Variants in CROCC2 observed in about 807,000 individuals in gnomAD.
CROCC2 encodes ciliary rootlet coiled-coil, rootletin family member 2, also known as ciliary rootlet coiled-coil protein 2.
In CROCC2, 163 loss-of-function variants were observed where a neutral mutation model predicts 177.6. The ratio of observed to expected loss-of-function variants is 0.92; its 90% confidence interval spans 0.81 to 1.05. The LOEUF (loss-of-function observed/expected upper bound fraction) is 1.05, where lower values mean the gene tolerates loss of function less well. Ranked by LOEUF, CROCC2 falls within the 50% of genes least tolerant of loss-of-function variation. CROCC2 has a pLI of 0.00. For synonymous variants in CROCC2, 904 were observed against 787.3 expected, an observed-to-expected ratio of 1.15 and a Z score of -2.48; for missense variants, 1,929 against 1,797.8, an observed-to-expected ratio of 1.07 and a Z score of -1.32.
chr2:240,950,797 A>C, intron 18 of CROCC2: 3 of 406,088 alleles, frequency 7.4e-6, no homozygotes, highest in East Asian at 4.4e-5. Flanking sequence ...CCATCCCTCC[A>C]TCTGTCCATT....
Position 240,965,432 on chromosome 2 carries a change from C to T in CROCC2, c.3517C>T (p.Leu1173=). The change falls in exon 23 of 32, where the codon CTG becomes TTG. Residue 1173 remains leucine (L), a synonymous_variant. Coordinates refer to ENST00000690015, the MANE Select transcript of CROCC2 (RefSeq NM_001351305.2). The part of the protein sequence containing the change: ...NQRRSGEAHE[L]QAQCSQEVLE... The stretch of plus-strand genomic sequence containing the variant: ...GAGGAGGAGTGGAGAGGCCCATGAG[C>T]TGCAGGCGCAGTGCTCGCAGGAGGT... The T allele has an allele frequency of 6.5e-7, 1 of 1,549,884 alleles. No homozygotes were observed. Among genetic ancestry groups the T allele is most frequent in the Admixed American group, 2.0e-5 (1 of 51,004 alleles).
chr2:240,959,172 G>A (rs1316579807), intron 19 of CROCC2, 129 bp from the exon 20 acceptor site: 8 of 1,108,246 alleles, frequency 7.2e-6, no homozygotes, highest in South Asian at 1.8e-5. Context: ...GGGCTTGCAC[G>A]ATCAGCAGGA....
chr2:240,947,395 A>G (rs2059529967), intron 15 of CROCC2, among the ~76,000 whole-genome samples: 1 of 152,014 alleles, frequency 6.6e-6, no homozygotes, highest in Admixed American at 6.6e-5. Context: ...TGCTGCCCTG[A>G]CAGCTGCCCC....
rs1465418524 is a variant in CROCC2, at chr2:240,958,421, C to T, written c.2944-880C>T. The T allele has an allele frequency of 3.7e-6, 1 of 266,856 alleles. No homozygotes were observed. The highest frequency in any genetic ancestry group is 2.3e-5 in the African/African-American group (1 of 43,496). The allele number at this position is 266,856 out of a possible 1,614,324, so 16.5% of individuals were successfully genotyped here. On this transcript the variant is annotated intron_variant, in intron 19 of 31. Transcript: ENST00000690015. This position sits in a 1 kb window ranked among gnomAD's most constrained non-coding sequence, Gnocchi z 6.7. Reference sequence around the variant, plus strand: ...AGGAGGCAGCAGCATGGCTCCTTTCCCAAGAGCAGGGGGCACAGGCTGCAG... The same window carrying T: ...AGGAGGCAGCAGCATGGCTCCTTTCTCAAGAGCAGGGGGCACAGGCTGCAG...
intron 3 of CROCC2, 97 bp from the exon 4 acceptor site, chr2:240,922,442 C>A: frequency 1.7e-6 from 1 of 596,616 alleles, no homozygotes; most frequent in South Asian, 1.9e-5. Flanking sequence ...GGAGCCCTCT[C>A]TTCCCCACTA....
At chr2:240,929,800 G>A in intron 5 of CROCC2, 2 of 490,756 alleles carry the variant, frequency 4.1e-6, no homozygotes, top group Non-Finnish European at 4.0e-6. Flanking sequence ...GCAGGGGCCA[G>A]GCCTGGTTCT....
In CROCC2 at chr2:240,911,000, A is replaced by G. The variant is rs189067092; in HGVS notation, c.78+4409A>G. On this transcript the variant is annotated intron_variant, in intron 1 of 31. Transcript: ENST00000690015. ...ACAAAAATTAGCCAGGCATGATGGC[A>G]GGCGCCTGTAATCCCAGCTACTCAG... 8.5e-3 allele frequency among the ~76,000 whole-genome samples: 1,293 copies of G among 152,086 alleles called. 13 individuals are homozygous for G. The highest frequency in any genetic ancestry group is 0.028 in the African/African-American group (1,146 of 41,480).
rs13013010 is a variant in CROCC2, at chr2:240,952,989, G to A, written c.2829+2479G>A. On this transcript the variant is annotated intron_variant, in intron 18 of 31. Transcript: ENST00000690015. ...AACACATCTGGGGAGTGGGTGGCCC[G>A]TCAAGGCCCCCACGCAGCCCCTCAT... Among the ~76,000 whole-genome samples the A allele has an allele frequency of 7.5e-3, 1,135 of 152,256 alleles. 6 individuals are homozygous for A. The highest frequency in any genetic ancestry group is 0.01 in the Middle Eastern group (3 of 294).
chr2:240,932,509 C>T (rs1048912105), intron 8 of CROCC2, 95 bp downstream of exon 8: 29 of 705,214 alleles, frequency 4.1e-5, no homozygotes, highest in Admixed American at 1.8e-4. Flanking sequence ...CGGCAGTGGA[C>T]GGCCTGCAGG....
At chr2:240,944,213 C>T (rs2059510326) in intron 14 of CROCC2, among the ~76,000 whole-genome samples, 1 of 152,158 alleles carries the variant, frequency 6.6e-6, no homozygotes, top group African/African-American at 2.4e-5. Context: ...GCCTATGTGT[C>T]TTTTTCCCTT....
chr2:240,965,361 G>A lies in CROCC2; in HGVS notation c.3466-20G>A, dbSNP rs935102444. 1.8e-5 allele frequency: 28 copies of A among 1,548,636 alleles called. No homozygotes were observed. The highest frequency in any genetic ancestry group is 1.1e-4 in the African/African-American group (8 of 73,010). On this transcript the variant is annotated intron_variant, in intron 22 of 31. Coordinates refer to ENST00000690015, the MANE Select transcript of CROCC2 (RefSeq NM_001351305.2). The stretch of plus-strand genomic sequence containing the variant: ...AGCACAGAGACCAGTGACCCTGTCC[G>A]TGCGGCCCCACGCTCCCAGGTGAGG...
At chr2:240,950,251 C>G (rs903306810) in intron 17 of CROCC2, 83 bp from the exon 18 acceptor site, 2 of 1,382,282 alleles carry the variant, frequency 1.4e-6, no homozygotes, top group Non-Finnish European at 1.9e-6. Flanking sequence ...TGGCATCCCA[C>G]GGGCCAGGTC....
At chr2:240,933,909 C>A in intron 11 of CROCC2, 57 bp downstream of exon 11, 1 of 1,487,716 alleles carries the variant, frequency 6.7e-7, no homozygotes, top group Non-Finnish European at 9.0e-7. Context: ...CCCCACTCTG[C>A]CACCATCAGC....
At chr2:240,940,664 C>T (rs1409315195) in intron 14 of CROCC2, among the ~76,000 whole-genome samples, 1 of 152,102 alleles carries the variant, frequency 6.6e-6, no homozygotes, top group Non-Finnish European at 1.5e-5. Flanking sequence ...TGATTAAAAC[C>T]CTCAGGAAAG....
intron 24 of CROCC2, 56 bp from the exon 25 acceptor site, chr2:240,966,169 G>A (rs572593806): frequency 8.2e-7 from 1 of 1,219,176 alleles, no homozygotes; most frequent in South Asian, 3.9e-5. Context: ...AAGGGGAAGG[G>A]CGTGTATCTG....
At chr2:240,985,859 G>GCC (rs76360664) in intron 28 of CROCC2, 5 of 428,662 alleles carry the variant, frequency 1.2e-5, no homozygotes, top group Middle Eastern at 3.4e-4. Context: ...GGGTCTCACT[G>GCC]CCCCCCACAG....
chr2:240,983,164 G>A, intron 28 of CROCC2, 135 bp downstream of exon 28: 2 of 1,002,558 alleles, frequency 2.0e-6, no homozygotes, highest in South Asian at 3.4e-5. Flanking sequence ...CTGGAGGCAG[G>A]TGAGCAGGCC....
chr2:240,987,111 G>A (rs757510506), intron 28 of CROCC2, among the ~76,000 whole-genome samples: 2 of 152,228 alleles, frequency 1.3e-5, no homozygotes, highest in Non-Finnish European at 2.9e-5. Context: ...GGGGCCCAGC[G>A]CCATGGAGCC....
At chr2:240,967,722 C>T in intron 26 of CROCC2, 2 of 383,276 alleles carry the variant, frequency 5.2e-6, no homozygotes, top group Non-Finnish European at 7.2e-6. Flanking sequence ...CGGCCCCCAG[C>T]ATCCTCTGCC....
Sources: gnomAD v4.1 joint callset for allele counts (sites outside exome capture counted in the v4.1 genomes callset) on GRCh38, gnomAD v4.1.1 for gene constraint, Gnocchi (gnomAD v3.1) non-coding constraint, MANE v1.5 for transcripts, NCBI Gene and HGNC (gene_info 2026-07-23, HGNC 2026-07-21) for gene names.